SPTLC2: variants seen among roughly 807,000 people sequenced by gnomAD.
SPTLC2 encodes serine palmitoyltransferase 2.
SPTLC2 carries 21 observed loss-of-function variants against 62.0 expected under a neutral mutation model. That is an observed-to-expected ratio of 0.34 (90% CI 0.24 to 0.49). The LOEUF is 0.49. SPTLC2 is among the 20% of genes least tolerant of loss of function. SPTLC2 has a pLI of 0.99. For synonymous variants in SPTLC2, 261 were observed against 261.8 expected, an observed-to-expected ratio of 1.00 and a Z score of 0.03; for missense variants, 511 against 713.0, an observed-to-expected ratio of 0.72 and a Z score of 3.23.
At chr14:77,531,443 T>TCTTCTC (rs1478198521) in intron 9 of SPTLC2, among the ~76,000 whole-genome samples, 21 of 130,358 alleles carry the variant, frequency 1.6e-4, no homozygotes, top group Non-Finnish European at 3.0e-4. Context: ...TTCTTCTTCT[T>TCTTCTC]CTCCTCCTTC....
At chr14:77,587,650 C>T (rs1041617162) in intron 2 of SPTLC2, among the ~76,000 whole-genome samples, 1 of 151,744 alleles carries the variant, frequency 6.6e-6, no homozygotes, top group African/African-American at 2.4e-5. Flanking sequence ...ACCTGTAATC[C>T]CAGCTACTCG....
intron 6 of SPTLC2, among the ~76,000 whole-genome samples, chr14:77,560,059 G>C (rs1470858509): frequency 1.3e-5 from 2 of 152,062 alleles, no homozygotes; most frequent in East Asian, 3.8e-4. Context: ...GCAAAAAGTT[G>C]TTCTATATCT....
At chr14:77,534,153 GTC>G (rs1245910780) in intron 9 of SPTLC2, among the ~76,000 whole-genome samples, 1 of 128,446 alleles carries the variant, frequency 7.8e-6, no homozygotes, top group Non-Finnish European at 1.6e-5. Context: ...ATGAGACCCT[GTC>G]TCTCTCTCTT....
intron 9 of SPTLC2, among the ~76,000 whole-genome samples, chr14:77,525,319 C>T (rs2079403731): frequency 6.6e-6 from 1 of 151,854 alleles, no homozygotes; most frequent in African/African-American, 2.4e-5. Context: ...GAGCCAGGCA[C>T]GGTGGCTCAC....
At chr14:77,514,442 G>A (rs950284063) in intron 11 of SPTLC2, among the ~76,000 whole-genome samples, 3 of 152,172 alleles carry the variant, frequency 2.0e-5, no homozygotes, top group Admixed American at 1.3e-4. Context: ...ATTTGGGTAT[G>A]TTAGGGACAG....
At chr14:77,572,097 A>C (rs2079687160) in intron 4 of SPTLC2, among the ~76,000 whole-genome samples, 1 of 152,244 alleles carries the variant, frequency 6.6e-6, no homozygotes, top group African/African-American at 2.4e-5. Flanking sequence ...CGAGCACTTT[A>C]TAAAATATCA....
rs533428341 is a variant in SPTLC2, at chr14:77,597,493, C to T, written c.133-113G>A. 3.8e-4 allele frequency: 389 copies of T among 1,035,138 alleles called. 2 individuals are homozygous for T. The South Asian group carries it at 4.6e-3, about 12-fold the overall frequency. 64.1% of individuals were successfully genotyped at this position (1,035,138 alleles called of 1,614,324 possible). ...TATACCTTAAGAATTTTCTAAGTTCCGCCGGGCGCACTGGCTCACACCTGT... is the reference window on the plus strand; with the variant it reads ...TATACCTTAAGAATTTTCTAAGTTCTGCCGGGCGCACTGGCTCACACCTGT... On this transcript the variant is annotated intron_variant, in intron 1 of 11. Coordinates refer to ENST00000216484, the MANE Select transcript of SPTLC2 (RefSeq NM_004863.4).
Position 77,506,218 on chromosome 14 carries a change from C to G in SPTLC2, c.*6066G>C, listed in dbSNP as rs915435432. 1.4e-4 allele frequency: 22 copies of G among 152,306 alleles called. No homozygotes were observed. Among genetic ancestry groups the G allele is most frequent in the African/African-American group, 5.3e-4 (22 of 41,562 alleles). The allele number at this position is 152,306 out of a possible 1,614,324, so 9.4% of individuals were successfully genotyped here. ...AGGGAAACAGGGTAAGAGAGAGTGA[C>G]ATTTTAACACATTACTAAAATGTTT... On this transcript the variant is annotated 3_prime_UTR_variant, in exon 12 of 12. Transcript: ENST00000216484.
rs1285652748 is a variant in SPTLC2, at chr14:77,586,530, A to G, written c.328-7421T>C. The stretch of plus-strand genomic sequence containing the variant: ...TCACAACAGCCAAAAGGTGGTAACA[A>G]AATGTGGTATATCCACATAACAGAA... On this transcript the variant is annotated intron_variant, in intron 2 of 11. Coordinates refer to ENST00000216484, the MANE Select transcript of SPTLC2 (RefSeq NM_004863.4). 2.0e-5 allele frequency among the ~76,000 whole-genome samples: 3 copies of G among 152,344 alleles called. No individual in the cohort carries two copies. In the East Asian group the frequency reaches 5.8e-4, roughly 29 times the overall value.
intron 9 of SPTLC2, among the ~76,000 whole-genome samples, chr14:77,545,890 G>A (rs1428012630): frequency 6.6e-6 from 1 of 152,140 alleles, no homozygotes. Flanking sequence ...GAAAAAGATA[G>A]CAGTGGAATA....
At position 77,540,807 on chromosome 14, in the gene SPTLC2, T is replaced by G. The variant is rs2079496815; in HGVS notation, c.1303+11289A>C. On this transcript the variant is annotated intron_variant, in intron 9 of 11. Coordinates refer to ENST00000216484, the MANE Select transcript of SPTLC2 (RefSeq NM_004863.4). Reference sequence around the variant, plus strand: ...TATTTTAAAGGTAGATCTCTCTCATTGCTAACATTTAATTATGGCATAAGT... The same window carrying G: ...TATTTTAAAGGTAGATCTCTCTCATGGCTAACATTTAATTATGGCATAAGT... 3.3e-5 allele frequency among the ~76,000 whole-genome samples: 5 copies of G among 152,284 alleles called. No individual in the cohort carries two copies. The South Asian group carries it at 1.0e-3, about 32-fold the overall frequency.
At chr14:77,522,268 A>G (rs1307289095) in intron 9 of SPTLC2, among the ~76,000 whole-genome samples, 1 of 151,768 alleles carries the variant, frequency 6.6e-6, no homozygotes, top group Non-Finnish European at 1.5e-5. Context: ...GGTTCAAGCG[A>G]TTCTCCTGTC....
chr14:77,597,514 C>T, intron 1 of SPTLC2, 134 bp from the exon 2 acceptor site: 1 of 793,464 alleles, frequency 1.3e-6, no homozygotes, highest in South Asian at 1.6e-5. Context: ...CTGGCTCACA[C>T]CTGTAATCCC....
intron 1 of SPTLC2, among the ~76,000 whole-genome samples, chr14:77,604,207 A>AC (rs1345446494): frequency 6.6e-6 from 1 of 152,200 alleles, no homozygotes; most frequent in Non-Finnish European, 1.5e-5. Flanking sequence ...AAGAAATCCA[A>AC]CAACCCTCTT....
At chr14:77,517,574 T>C (rs1185782855) in intron 11 of SPTLC2, among the ~76,000 whole-genome samples, 1 of 152,086 alleles carries the variant, frequency 6.6e-6, no homozygotes, top group East Asian at 1.9e-4. Context: ...TAAATAATTA[T>C]AGGTGTGAAG....
In SPTLC2 at chr14:77,562,476, A is replaced by C; in HGVS notation, c.770T>G (p.Leu257Arg). ...PALVGKGCLI[L>R]SDELNHASLV... ...TGATGCATGATTCAGTTCATCACTC[A>C]GAATCAGGCAACCCTGCAACATCAC... Residue 257 changes from leucine (L) to arginine (R), a missense_variant, in exon 6 of 12, where the codon CTG becomes CGG. Physicochemically the swap from Leu to Arg is moderately radical, Grantham distance 102. Coordinates refer to ENST00000216484, the MANE Select transcript of SPTLC2 (RefSeq NM_004863.4). 6.2e-7 allele frequency: 1 copy of C among 1,614,088 alleles called. No individual in the cohort carries two copies. Among genetic ancestry groups the C allele is most frequent in the South Asian group, 1.1e-5 (1 of 91,080 alleles).
intron 5 of SPTLC2, among the ~76,000 whole-genome samples, chr14:77,563,197 C>G (rs2079624381): frequency 1.3e-5 from 2 of 151,934 alleles, no homozygotes; most frequent in Non-Finnish European, 1.5e-5. Flanking sequence ...CTCATAATAT[C>G]CAATTAGATG....
At chr14:77,568,102 A>G (rs1319450151) in intron 5 of SPTLC2, among the ~76,000 whole-genome samples, 1 of 152,202 alleles carries the variant, frequency 6.6e-6, no homozygotes, top group Non-Finnish European at 1.5e-5. Context: ...GTTTAATGCT[A>G]TACATTTCCA....
intron 9 of SPTLC2, 68 bp downstream of exon 9, chr14:77,552,028 C>T: frequency 6.3e-7 from 1 of 1,595,000 alleles, no homozygotes; most frequent in Non-Finnish European, 8.5e-7. Context: ...AGGAAAAAAG[C>T]TCAAGAAAAA....
Sources: allele counts gnomAD v4.1 joint callset (sites outside exome capture counted in the v4.1 genomes callset), GRCh38; gene constraint gnomAD v4.1.1; transcripts MANE v1.5; gene names NCBI Gene and HGNC (gene_info 2026-07-23, HGNC 2026-07-21).